The following MIEF1 variants were observed in gnomAD, a reference collection of about 807,000 sequenced individuals.
MIEF1 encodes mitochondrial dynamics protein MIEF1.
In MIEF1, 14 loss-of-function variants were observed where a neutral mutation model predicts 35.1. The observed-to-expected ratio is 0.40, with a 90% CI of 0.26 to 0.62. MIEF1 has a LOEUF of 0.62. Ranked by LOEUF, MIEF1 falls within the 20% of genes least tolerant of loss-of-function variation. The probability of loss-of-function intolerance (pLI) is 0.43; values close to 1 mark genes in which losing one functional copy is unlikely to be tolerated. For synonymous variants in MIEF1, 245 were observed against 254.3 expected (o/e 0.96, Z 0.35); for missense variants, 542 against 615.4 (o/e 0.88, Z 1.26).
At chr22:39,505,392 A>G (rs753942485) in intron 2 of MIEF1, among the ~76,000 whole-genome samples, 1 of 152,014 alleles carries the variant, frequency 6.6e-6, no homozygotes, top group Non-Finnish European at 1.5e-5. Context: ...CGGTCTTGCT[A>G]TGTTGCCCAG....
At chr22:39,507,297 T>G (rs897715473) in intron 2 of MIEF1, among the ~76,000 whole-genome samples, 3 of 151,884 alleles carry the variant, frequency 2.0e-5, no homozygotes, top group Non-Finnish European at 4.4e-5. Context: ...CAGGCTGGAG[T>G]GCAGTGGGTG....
intron 2 of MIEF1, among the ~76,000 whole-genome samples, chr22:39,507,298 G>A (rs1253398779): frequency 6.6e-6 from 1 of 151,962 alleles, no homozygotes; most frequent in South Asian, 2.1e-4. Context: ...AGGCTGGAGT[G>A]CAGTGGGTGC....
chr22:39,510,708 A>G (rs374497075), intron 2 of MIEF1, among the ~76,000 whole-genome samples: 19 of 152,248 alleles, frequency 1.2e-4, no homozygotes, highest in African/African-American at 4.3e-4. Context: ...AAGGACGAAG[A>G]AATGACCTGC....
intron 2 of MIEF1, among the ~76,000 whole-genome samples, chr22:39,505,778 G>A (rs1208188655): frequency 6.6e-6 from 1 of 152,070 alleles, no homozygotes; most frequent in East Asian, 1.9e-4. Flanking sequence ...TTGAGGGACC[G>A]AGGGGTGGGG....
chr22:39,501,017 G>A (rs927955702), upstream of MIEF1, among the ~76,000 whole-genome samples: 27 of 151,996 alleles, frequency 1.8e-4, no homozygotes, highest in African/African-American at 6.5e-4. Flanking sequence ...CTCTTGATTG[G>A]TCTCCCTGCC....
At position 39,515,071 on chromosome 22, in the gene MIEF1, C is replaced by G; in HGVS notation, c.*748C>G. 1.7e-6 allele frequency: 1 copy of G among 592,296 alleles called. No homozygotes were observed. The highest frequency in any genetic ancestry group is 3.0e-6 in the Non-Finnish European group (1 of 332,324). The allele number at this position is 592,296 out of a possible 1,614,324, so 36.7% of individuals were successfully genotyped here. A position where few individuals can be genotyped will look rare whatever the true frequency, so the allele number is the denominator to read the frequency against. On this transcript the variant is annotated 3_prime_UTR_variant, in exon 6 of 6. Coordinates refer to ENST00000325301, the MANE Select transcript of MIEF1 (RefSeq NM_019008.6). ...ATTAGCAGAAGTGCAGAGTAGGGAA[C>G]CAGAGCTGGTTAAGGGCCTAGTGAA...
chr22:39,507,868 A>G (rs542652984), intron 2 of MIEF1, among the ~76,000 whole-genome samples: 44 of 152,132 alleles, frequency 2.9e-4, no homozygotes, highest in African/African-American at 9.4e-4. Flanking sequence ...CAGTCTCAAA[A>G]AAAAAGAAAA....
chr22:39,512,687 C>T (rs574099073), intron 5 of MIEF1, among the ~76,000 whole-genome samples, 193 bp downstream of exon 5: 4 of 152,242 alleles, frequency 2.6e-5, no homozygotes, highest in Admixed American at 6.5e-5. Context: ...CACTCTGTCG[C>T]CCAGGCTGGA....
upstream of MIEF1, chr22:39,501,679 T>C (rs1289331445): frequency 1.3e-5 from 2 of 152,178 alleles, no homozygotes; most frequent in Non-Finnish European, 2.9e-5. Flanking sequence ...GTTGAACAGA[T>C]TATGAGGCGT....
chr22:39,503,891 C>T, intron 1 of MIEF1: 1 of 196,288 alleles, frequency 5.1e-6, no homozygotes, highest in Non-Finnish European at 1.0e-5. Context: ...GGTACTATTG[C>T]CATAATATCC....
intron 5 of MIEF1, 142 bp from the exon 6 acceptor site, chr22:39,513,375 A>T: frequency 1.2e-6 from 1 of 841,352 alleles, no homozygotes; most frequent in Admixed American, 2.7e-5. Context: ...CAGTGCTGAG[A>T]TTACAGGCAT....
intron 4 of MIEF1, 96 bp from the exon 5 acceptor site, chr22:39,512,136 G>C: frequency 1.3e-6 from 2 of 1,557,788 alleles, no homozygotes; most frequent in Non-Finnish European, 1.7e-6. Flanking sequence ...GCCAGCACTT[G>C]CCCTCCATGC....
intron 5 of MIEF1, 51 bp downstream of exon 5, chr22:39,512,545 G>C (rs1930408695): frequency 6.4e-7 from 1 of 1,565,036 alleles, no homozygotes; most frequent in Non-Finnish European, 8.6e-7. Flanking sequence ...GAGCACCATA[G>C]TGTTGTTGGC....
At position 39,513,918 on chromosome 22, in the gene MIEF1, G is replaced by T; in HGVS notation, c.987G>T (p.Arg329=). The T allele has an allele frequency of 4.3e-6, 7 of 1,613,938 alleles. No homozygotes were observed. The highest frequency in any genetic ancestry group is 5.9e-6 in the Non-Finnish European group (7 of 1,180,036). ...CAGTCTTGGTGGCCAAACCACACCG[G>T]CTAGCCCAGTATGACAACCTGTGGC... ...GDTVLVAKPH[R]LAQYDNLWRL... Residue 329 remains arginine, a synonymous_variant, in exon 6 of 6, where the codon CGG becomes CGT. Transcript: ENST00000325301.
At chr22:39,508,549 G>T (rs1241496499) in intron 2 of MIEF1, among the ~76,000 whole-genome samples, 1 of 152,180 alleles carries the variant, frequency 6.6e-6, no homozygotes, top group Non-Finnish European at 1.5e-5. Context: ...CTCCTGATTG[G>T]GTTATCTTGC....
intron 2 of MIEF1, among the ~76,000 whole-genome samples, chr22:39,506,176 C>A (rs1930005545): frequency 6.6e-6 from 1 of 152,136 alleles, no homozygotes; most frequent in Non-Finnish European, 1.5e-5. Flanking sequence ...CTCAAAAAAA[C>A]CAAGAAACAA....
rs1340368597 is a variant in MIEF1 at position 39,514,273 on chromosome 22, T to C, written c.1342T>C (p.Tyr448His). 1 of 1,614,162 alleles carries C rather than the reference T, an allele frequency of 6.2e-7. No homozygotes were observed. The highest frequency in any genetic ancestry group is 8.5e-7 in the Non-Finnish European group (1 of 1,180,042). ...CCCTGAAGAAATAGACGAATTAGGA[T>C]ACACTCTGTATTGCTCATTGTCTGA... is the stretch of plus-strand genomic sequence containing the variant. ...LTPEEIDELG[Y>H]TLYCSLSEPE... Residue 448 changes from tyrosine (Y) to histidine (H), a missense_variant, in exon 6 of 6, where the codon TAC (tyrosine) becomes CAC (histidine). Coordinates refer to ENST00000325301, the MANE Select transcript of MIEF1 (RefSeq NM_019008.6).
Position 39,513,635 on chromosome 22 carries a change from G to C in MIEF1, c.704G>C (p.Arg235Pro). 6.2e-7 allele frequency: 1 copy of C among 1,614,158 alleles called. No individual in the cohort carries two copies. Among genetic ancestry groups the C allele is most frequent in the Non-Finnish European group, 8.5e-7 (1 of 1,180,026 alleles). The change falls in exon 6 of 6, where the codon CGT becomes CCT. Residue 235 changes from arginine to proline, a missense_variant. Physicochemically the swap from Arg to Pro is moderately radical, Grantham distance 103 (BLOSUM62 -2). Coordinates refer to ENST00000325301, the MANE Select transcript of MIEF1 (RefSeq NM_019008.6). The part of the protein sequence containing the change: ...MNVPGFFLVR[R>P]ENPEYFPRGS... The stretch of plus-strand genomic sequence containing the variant: ...GTCCCTGGCTTCTTCCTGGTGCGTC[G>C]TGAGAATCCAGAGTACTTTCCTCGT...
Position 39,516,519 on chromosome 22 carries a change from A to G in MIEF1, c.*2196A>G, listed in dbSNP as rs1191350606. On this transcript the variant is annotated 3_prime_UTR_variant, in exon 6 of 6. Coordinates refer to ENST00000325301, the MANE Select transcript of MIEF1 (RefSeq NM_019008.6). ...GGAGTTCGAGACCAGCCTGGCCAAC[A>G]TGGTGAAACCCCGTCTCCACGAAAA... is the stretch of plus-strand genomic sequence containing the variant. 6.6e-6 allele frequency: 1 copy of G among 152,230 alleles called. No individual in the cohort carries two copies. Among genetic ancestry groups the G allele is most frequent in the East Asian group, 1.9e-4 (1 of 5,200 alleles). 9.4% of individuals were successfully genotyped at this position (152,230 alleles called of 1,614,324 possible). A position where few individuals can be genotyped will look rare whatever the true frequency, so the allele number is the denominator to read the frequency against.
Sources: allele counts gnomAD v4.1 joint callset (sites outside exome capture counted in the v4.1 genomes callset), GRCh38; gene constraint gnomAD v4.1.1; transcripts MANE v1.5; gene names NCBI Gene and HGNC (gene_info 2026-07-23, HGNC 2026-07-21).